KANK1: variants seen among roughly 807,000 people sequenced by gnomAD.
KANK1 encodes KN motif and ankyrin repeat domains 1, also known as KN motif and ankyrin repeat domain-containing protein 1.
Under a neutral mutation model 106.2 loss-of-function variants are expected in KANK1, and 109 were observed. That is an observed-to-expected ratio of 1.03 (90% CI 0.88 to 1.20). The LOEUF (loss-of-function observed/expected upper bound fraction) is 1.20. Ranked by LOEUF, KANK1 falls within the 50% of genes most tolerant of loss-of-function variation. The pLI is 0.00. For missense variants in KANK1, 2,399 were observed against 1,710.7 expected (o/e 1.40, Z -7.10); for synonymous variants, 873 against 652.2 (o/e 1.34, Z -5.16).
At chr9:738,134 T>C (rs188350000) in intron 7 of KANK1, 151 bp from the exon 8 acceptor site, 7 of 637,742 alleles carry the variant, frequency 1.1e-5, no homozygotes, top group Non-Finnish European at 2.7e-6. Flanking sequence ...GTTTGGTGTT[T>C]GAAGCTTCTC....
chr9:631,956 T>C (rs770297617), intron 1 of KANK1, among the ~76,000 whole-genome samples: 8 of 152,208 alleles, frequency 5.3e-5, no homozygotes, highest in African/African-American at 9.7e-5. Context: ...GATAAGTATT[T>C]AACATACTGT....
At chr9:514,394 C>G (rs72705662) in intron 1 of KANK1, among the ~76,000 whole-genome samples, 8,895 of 149,194 alleles carry the variant, frequency 0.06, 362 homozygotes, top group South Asian at 0.09. Flanking sequence ...CACTTTTCTG[C>G]CAAATACTCC....
Position 712,489 on chromosome 9 carries a change from G to C in KANK1, c.1723G>C (p.Val575Leu). 6.2e-7 allele frequency: 1 copy of C among 1,614,226 alleles called. No homozygotes were observed. Among genetic ancestry groups the C allele is most frequent in the South Asian group, 1.1e-5 (1 of 91,082 alleles). ...PMNWWIVKER[V>L]EMHDRCAGRS... is the part of the protein sequence containing the mutation. ...GAATTGGTGGATTGTTAAGGAGAGGGTGGAAATGCATGACCGATGTGCTGG... is the reference window on the plus strand; with the variant it reads ...GAATTGGTGGATTGTTAAGGAGAGGCTGGAAATGCATGACCGATGTGCTGG... Residue 575 changes from valine (V) to leucine (L), a missense_variant, in exon 3 of 12, where the codon GTG (valine) becomes CTG (leucine). Transcript: ENST00000382297.
At position 710,986 on chromosome 9, in the gene KANK1, C is replaced by G. The variant is rs879064699; in HGVS notation, c.220C>G (p.Pro74Ala). ...GAGGCGGAAGCCGTCCGTGCCATGC[C>G]CAGAACCCAGGACCACATCTGGTCA... Reference protein sequence around the residue: ...QKRRKPSVPCPEPRTTSGQQG... With the variant: ...QKRRKPSVPCAEPRTTSGQQG... The change falls in exon 3 of 12, where the codon CCA becomes GCA. Residue 74 changes from proline (P) to alanine (A), a missense_variant. Pro to Ala is a conservative substitution (Grantham distance 27). Transcript: ENST00000382297. 1.2e-6 allele frequency: 2 copies of G among 1,614,034 alleles called. No homozygotes were observed. The highest frequency in any genetic ancestry group is 2.2e-5 in the South Asian group (2 of 91,082).
rs751186063 is a variant in KANK1 at position 746,019 on chromosome 9, A to ATTTAC, written c.*788_*792dup. ...TATGGATTCCTTTTTACCGTGTCAC[A>ATTTAC]TTTACTTTGGTCCTCTATGTATTTA... On this transcript the variant is annotated 3_prime_UTR_variant, in exon 12 of 12. Coordinates refer to ENST00000382297, the MANE Select transcript of KANK1 (RefSeq NM_015158.5). 2 of 152,610 alleles carry ATTTAC rather than the reference A, an allele frequency of 1.3e-5. No homozygotes were observed. The highest frequency in any genetic ancestry group is 4.1e-4 in the South Asian group (2 of 4,830). The allele number at this position is 152,610 out of a possible 1,614,324, so 9.5% of individuals were successfully genotyped here. A position where few individuals can be genotyped will look rare whatever the true frequency, so the allele number is the denominator to read the frequency against.
intron 1 of KANK1, among the ~76,000 whole-genome samples, chr9:666,190 A>C (rs1280907629): frequency 3.3e-5 from 5 of 152,112 alleles, no homozygotes; most frequent in South Asian, 4.1e-4. Flanking sequence ...CAAAAAAAAA[A>C]ACAAAATATT....
At chr9:598,123 G>A (rs370105975) in intron 1 of KANK1, among the ~76,000 whole-genome samples, 1 of 151,738 alleles carries the variant, frequency 6.6e-6, no homozygotes, top group African/African-American at 2.4e-5. Context: ...TGAAGAGACA[G>A]TATTTCCCCA....
At chr9:648,027 A>T (rs1840080218) in intron 1 of KANK1, among the ~76,000 whole-genome samples, 1 of 130,804 alleles carries the variant, frequency 7.6e-6, no homozygotes, top group African/African-American at 3.2e-5. Context: ...TTTGATACAG[A>T]GTCTTGCTCT....
chr9:505,090 CGGGCCGGCCGGCG>C (rs1024393914), intron 1 of KANK1, among the ~76,000 whole-genome samples: 3 of 151,986 alleles, frequency 2.0e-5, no homozygotes, highest in Admixed American at 6.5e-5. Context: ...AAGTTCGGGC[CGGGCCGGCCGGCG>C]GGAGGGTGCG....
At chr9:560,740 G>A (rs948981193) in intron 1 of KANK1, among the ~76,000 whole-genome samples, 9 of 151,890 alleles carry the variant, frequency 5.9e-5, no homozygotes, top group African/African-American at 2.2e-4. Context: ...CCCATTGTTG[G>A]GAGGGAAGCT....
intron 1 of KANK1, among the ~76,000 whole-genome samples, chr9:577,816 A>C (rs1361536882): frequency 6.6e-6 from 1 of 152,190 alleles, no homozygotes; most frequent in Non-Finnish European, 1.5e-5. Flanking sequence ...GGCTTTACGC[A>C]TGAGAAGTAG....
At chr9:689,399 C>T (rs923322074) in intron 2 of KANK1, among the ~76,000 whole-genome samples, 3 of 152,134 alleles carry the variant, frequency 2.0e-5, no homozygotes, top group Non-Finnish European at 2.9e-5. Context: ...ACCCCTCTGC[C>T]GGGGCACACC....
At chr9:637,879 A>G (rs973889821) in intron 1 of KANK1, among the ~76,000 whole-genome samples, 2 of 152,144 alleles carry the variant, frequency 1.3e-5, no homozygotes, top group African/African-American at 2.4e-5. Flanking sequence ...TAAGTCCCAA[A>G]AGCAGCTTTT....
At chr9:649,827 A>G (rs2137511928) in intron 1 of KANK1, among the ~76,000 whole-genome samples, 1 of 152,292 alleles carries the variant, frequency 6.6e-6, no homozygotes, top group African/African-American at 2.4e-5. Context: ...CCCTGCCCAC[A>G]TATGCACCTC....
At chr9:745,081 G>A in intron 11 of KANK1, 92 bp from the exon 12 acceptor site, 2 of 1,550,744 alleles carry the variant, frequency 1.3e-6, no homozygotes, top group Non-Finnish European at 1.7e-6. Flanking sequence ...GCTGCTTGTT[G>A]CCTGTGGTGG....
chr9:530,296 CATCTTAAA>C (rs1319285546), intron 1 of KANK1, among the ~76,000 whole-genome samples: 2 of 152,108 alleles, frequency 1.3e-5, no homozygotes, highest in African/African-American at 4.8e-5. Flanking sequence ...AGGCGTTCCC[CATCTTAAA>C]ATTATTATTT....
intron 1 of KANK1, among the ~76,000 whole-genome samples, chr9:505,639 G>T (rs373603681): frequency 6.6e-6 from 1 of 152,228 alleles, no homozygotes; most frequent in African/African-American, 2.4e-5. Flanking sequence ...CTGCACGAGC[G>T]TGACCTAGTG....
At chr9:728,978 A>G (rs1209270871) in intron 3 of KANK1, among the ~76,000 whole-genome samples, 1 of 152,236 alleles carries the variant, frequency 6.6e-6, no homozygotes, top group East Asian at 1.9e-4. Context: ...ATTAAGCTGT[A>G]ACCCAGCCAC....
At chr9:475,275 CTG>C (rs1196959903) in intron 3 of KANK1, among the ~76,000 whole-genome samples, 7 of 151,870 alleles carry the variant, frequency 4.6e-5, no homozygotes, top group Admixed American at 4.6e-4. Flanking sequence ...AGCAAATACA[CTG>C]TGCATGCTCC....
Sources: allele counts gnomAD v4.1 joint callset (sites outside exome capture counted in the v4.1 genomes callset), GRCh38; gene constraint gnomAD v4.1.1; transcripts MANE v1.5; gene names NCBI Gene and HGNC (gene_info 2026-07-23, HGNC 2026-07-21).